Variants in DCDC1 observed in about 807,000 individuals in gnomAD.
DCDC1 encodes doublecortin domain containing 1, also known as doublecortin domain-containing protein 1.
Under a neutral mutation model 178.3 loss-of-function variants are expected in DCDC1, and 200 were observed. The ratio of observed to expected loss-of-function variants is 1.12; its 90% CI spans 1.00 to 1.26. DCDC1 has a LOEUF of 1.26. Ranked by LOEUF, DCDC1 falls within the 50% of genes most tolerant of loss-of-function variation. The pLI is 0.00. For synonymous variants in DCDC1, 690 were observed against 604.8 expected, an observed-to-expected ratio of 1.14 and a Z score of -2.07; for missense variants, 1,983 against 1,749.2, an observed-to-expected ratio of 1.13 and a Z score of -2.38.
chr11:30,993,083 A>T (rs1472813462), intron 20 of DCDC1, among the ~76,000 whole-genome samples: 1 of 152,058 alleles, frequency 6.6e-6, no homozygotes, highest in Non-Finnish European at 1.5e-5. Context: ...CACATGAAAA[A>T]AAATTATATA....
rs1439672155 is a variant in DCDC1, at chr11:31,307,685, C to A, written c.388G>T (p.Ala130Ser). The change falls in exon 4 of 39, where the codon GCA (alanine) becomes TCA (serine). Residue 130 changes from alanine (A) to serine (S), a missense_variant. Transcript: ENST00000684477. ...CTGACAGGTCTGTTTCTCTTGGATGCTGATATAGAACAAGAATTGTTTTTA... is the reference window on the plus strand; with the variant it reads ...CTGACAGGTCTGTTTCTCTTGGATGATGATATAGAACAAGAATTGTTTTTA... ...NSKNNSCSIS[A>S]SKRNRPVSAP... 1 of 1,613,932 alleles carries A rather than the reference C, an allele frequency of 6.2e-7. No homozygotes were observed. Among genetic ancestry groups the A allele is most frequent in the Non-Finnish European group, 8.5e-7 (1 of 1,179,964 alleles).
intron 20 of DCDC1, among the ~76,000 whole-genome samples, chr11:30,959,026 A>G (rs999915382): frequency 6.6e-6 from 1 of 152,136 alleles, no homozygotes; most frequent in Non-Finnish European, 1.5e-5. Flanking sequence ...TCAAGGATAA[A>G]GTCCTGGGTA....
chr11:30,936,268 T>C (rs1271503330), intron 21 of DCDC1, among the ~76,000 whole-genome samples: 1 of 152,196 alleles, frequency 6.6e-6, no homozygotes, highest in Non-Finnish European at 1.5e-5. Context: ...GTCCATATAA[T>C]AACTCATAGA....
At chr11:30,930,731 A>G (rs1182397219) in intron 22 of DCDC1, among the ~76,000 whole-genome samples, 4 of 152,174 alleles carry the variant, frequency 2.6e-5, no homozygotes, top group Admixed American at 2.6e-4. Flanking sequence ...AACAAGAAAA[A>G]TAATGAATGT....
intron 20 of DCDC1, among the ~76,000 whole-genome samples, chr11:30,995,522 A>G (rs1057314223): frequency 2.6e-5 from 4 of 152,198 alleles, no homozygotes; most frequent in Admixed American, 1.3e-4. Context: ...ATGGAGTTAC[A>G]TGATCAACGT....
chr11:31,363,772 T>C (rs1428829384), intron 1 of DCDC1, among the ~76,000 whole-genome samples: 2 of 152,142 alleles, frequency 1.3e-5, no homozygotes, highest in Non-Finnish European at 2.9e-5. Flanking sequence ...GTCAATTACA[T>C]GACAAAAATA....
intron 20 of DCDC1, among the ~76,000 whole-genome samples, chr11:30,996,278 C>T (rs1030273282): frequency 1.3e-5 from 2 of 152,092 alleles, no homozygotes; most frequent in Non-Finnish European, 2.9e-5. Flanking sequence ...ACCCCAAACC[C>T]TGCTGATACC....
chr11:30,941,456 A>G (rs975114508), intron 21 of DCDC1, among the ~76,000 whole-genome samples: 1 of 151,976 alleles, frequency 6.6e-6, no homozygotes, highest in Non-Finnish European at 1.5e-5. Flanking sequence ...ATTTTACCTC[A>G]ATGTCCCTTA....
chr11:31,359,417 C>T (rs1280169640), intron 1 of DCDC1, among the ~76,000 whole-genome samples: 3 of 124,068 alleles, frequency 2.4e-5, no homozygotes, highest in African/African-American at 3.2e-5. Flanking sequence ...GGGAACATCA[C>T]CCTCTGGGGA....
intron 36 of DCDC1, among the ~76,000 whole-genome samples, chr11:30,884,260 G>A (rs181018406): frequency 6.6e-6 from 1 of 151,960 alleles, no homozygotes; most frequent in African/African-American, 2.4e-5. Context: ...CAAACTCCTG[G>A]GTTCAATCAG....
At chr11:31,175,681 T>C (rs1300544021) in intron 9 of DCDC1, among the ~76,000 whole-genome samples, 1 of 152,188 alleles carries the variant, frequency 6.6e-6, no homozygotes, top group Non-Finnish European at 1.5e-5. Context: ...TCAACCTCCA[T>C]GCCCACATGT....
chr11:31,238,610 C>G (rs1976729308), intron 9 of DCDC1, among the ~76,000 whole-genome samples: 1 of 152,056 alleles, frequency 6.6e-6, no homozygotes, highest in African/African-American at 2.4e-5. Flanking sequence ...AACACCCCCA[C>G]CAACAGCACC....
chr11:31,031,908 G>A (rs914757358), intron 20 of DCDC1, among the ~76,000 whole-genome samples: 3 of 151,964 alleles, frequency 2.0e-5, no homozygotes, highest in Admixed American at 2.0e-4. Context: ...GTGATCTTAT[G>A]CTACAAATGT....
At chr11:31,234,952 G>A (rs904216984) in intron 9 of DCDC1, among the ~76,000 whole-genome samples, 6 of 152,142 alleles carry the variant, frequency 3.9e-5, no homozygotes, top group Non-Finnish European at 8.8e-5. Context: ...ATACCTGTAG[G>A]TGGTTGAGTA....
At chr11:31,171,496 G>T (rs1043837299) in intron 9 of DCDC1, among the ~76,000 whole-genome samples, 7 of 152,098 alleles carry the variant, frequency 4.6e-5, no homozygotes, top group African/African-American at 7.2e-5. Context: ...AGGTTGACTG[G>T]ATACACCATA....
intron 7 of DCDC1, among the ~76,000 whole-genome samples, chr11:31,277,858 T>C (rs1331918123): frequency 6.6e-6 from 1 of 152,138 alleles, no homozygotes; most frequent in Non-Finnish European, 1.5e-5. Context: ...TCTCATTCTG[T>C]GGCTTGCCTT....
chr11:31,119,995 C>T (rs1565310107), intron 11 of DCDC1, among the ~76,000 whole-genome samples: 1 of 152,164 alleles, frequency 6.6e-6, no homozygotes, highest in African/African-American at 2.4e-5. Flanking sequence ...CATCTTCCCA[C>T]AGTTCCTAGC....
At position 31,010,922 on chromosome 11, in the gene DCDC1, A is replaced by G. The variant is rs188943665; in HGVS notation, c.2591+53547T>C. Among the ~76,000 whole-genome samples, 154 of 152,302 alleles carry G rather than the reference A, an allele frequency of 1.0e-3. 1 individual carries two copies. Among genetic ancestry groups the G allele is most frequent in the Admixed American group, 7.0e-3 (107 of 15,298 alleles). ...CTTTCATCATGAATACCGTATAGATATTTAGAATATGTAAACTAATATTGA... is the reference window on the plus strand; with the variant it reads ...CTTTCATCATGAATACCGTATAGATGTTTAGAATATGTAAACTAATATTGA... On this transcript the variant is annotated intron_variant, in intron 20 of 38. Transcript: ENST00000684477.
intron 8 of DCDC1, among the ~76,000 whole-genome samples, chr11:31,242,217 G>C (rs1252959423): frequency 6.6e-6 from 1 of 151,810 alleles, no homozygotes; most frequent in African/African-American, 2.4e-5. Context: ...TCTGGAATAT[G>C]AAACAGTCAA....
Sources: allele counts gnomAD v4.1 joint callset (sites outside exome capture counted in the v4.1 genomes callset), GRCh38; gene constraint gnomAD v4.1.1; transcripts MANE v1.5; gene names NCBI Gene and HGNC (gene_info 2026-07-23, HGNC 2026-07-21).